GALNT9: variants seen among roughly 807,000 people sequenced by gnomAD.
GALNT9 encodes GalNAc transferase 9.
GALNT9 carries 47 observed loss-of-function variants against 63.1 expected under a neutral mutation model. The ratio of observed to expected loss-of-function variants is 0.75; its 90% CI spans 0.59 to 0.95. GALNT9 has a LOEUF of 0.95. GALNT9 is among the 40% of genes least tolerant of loss of function. The pLI, the probability that GALNT9 is intolerant of heterozygous loss-of-function variation, is 0.00. For synonymous variants in GALNT9, 396 were observed against 365.7 expected (o/e 1.08, Z -0.94); for missense variants, 829 against 874.8 (o/e 0.95, Z 0.66).
chr12:132,231,246 G>A (rs1173549396), intron 6 of GALNT9, among the ~76,000 whole-genome samples: 2 of 39,590 alleles, frequency 5.1e-5, no homozygotes, highest in Admixed American at 2.8e-4. Flanking sequence ...AGGAGACAGC[G>A]TGGAGTCCCT....
At chr12:132,239,373 CAG>C (rs1450548768) in intron 6 of GALNT9, among the ~76,000 whole-genome samples, 138 of 139,994 alleles carry the variant, frequency 9.9e-4, no homozygotes, top group African/African-American at 3.7e-3. Context: ...GAGAGACACA[CAG>C]AGACAGAGAC....
chr12:132,274,980 C>G (rs1451821563), intron 2 of GALNT9: 4 of 152,368 alleles, frequency 2.6e-5, no homozygotes, highest in African/African-American at 9.6e-5. Context: ...GGTGCTTGCC[C>G]CTGCTGGGGA....
intron 6 of GALNT9, among the ~76,000 whole-genome samples, chr12:132,243,268 TACACACACAACACACACTTCCC>T: frequency 1.0e-5 from 1 of 99,878 alleles, no homozygotes; most frequent in Non-Finnish European, 2.0e-5. Flanking sequence ...CTATACCCAT[TACACACACAACACACACTTCCC>T]GGGGCCCTCC....
At chr12:132,266,759 A>G (rs1228475613) in intron 2 of GALNT9, among the ~76,000 whole-genome samples, 1 of 151,980 alleles carries the variant, frequency 6.6e-6, no homozygotes. Context: ...CTGCTCTCGG[A>G]CTTGGGGCCT....
chr12:132,260,273 G>T (rs1879325341), intron 4 of GALNT9, among the ~76,000 whole-genome samples: 2 of 152,308 alleles, frequency 1.3e-5, no homozygotes, highest in Non-Finnish European at 2.9e-5. Context: ...GCCTCTGGGG[G>T]AAACTCGGCC....
At chr12:132,281,625 C>T (rs915088197) in intron 2 of GALNT9, among the ~76,000 whole-genome samples, 33 of 152,210 alleles carry the variant, frequency 2.2e-4, no homozygotes, top group African/African-American at 6.8e-4. Flanking sequence ...ATCCCGATGT[C>T]GTTCTCTGTG....
chr12:132,320,087 A>G (rs1868711221), intron 1 of GALNT9, among the ~76,000 whole-genome samples: 1 of 152,272 alleles, frequency 6.6e-6, no homozygotes, highest in Non-Finnish European at 1.5e-5. Context: ...AGCTGCTAAC[A>G]GGGCTGGCGA....
chr12:132,329,186 C>G lies in GALNT9; in HGVS notation c.18G>C (p.Lys6Asn). 6.5e-7 allele frequency: 1 copy of G among 1,547,848 alleles called. No homozygotes were observed. Among genetic ancestry groups the G allele is most frequent in the Non-Finnish European group, 8.7e-7 (1 of 1,145,446 alleles). Reference protein sequence around the residue: MAVARKIRTLLTVNIL... With the variant: MAVARNIRTLLTVNIL... ...TGTTCACCGTCAGCAAAGTTCGGAT[C>G]TTCCTGGCCACCGCCATGAACACGG... Residue 6 changes from lysine to asparagine, a missense_variant, in exon 1 of 11, where the codon AAG becomes AAC. Lys to Asn is a moderately conservative substitution (Grantham distance 94, BLOSUM62 0). Coordinates refer to ENST00000328957, the MANE Select transcript of GALNT9 (RefSeq NM_001122636.2).
Position 132,212,154 on chromosome 12 carries a change from C to G in GALNT9, c.1078-8464G>C, listed in dbSNP as rs12824370. 5.3e-3 allele frequency among the ~76,000 whole-genome samples: 635 copies of G among 120,366 alleles called. 5 individuals carry two copies. The highest frequency in any genetic ancestry group is 6.2e-3 in the Middle Eastern group (1 of 162). 79.0% of individuals were successfully genotyped at this position (120,366 alleles called of 152,430 possible). On this transcript the variant is annotated intron_variant, in intron 6 of 10. Coordinates refer to ENST00000328957, the MANE Select transcript of GALNT9 (RefSeq NM_001122636.2). ...ACCCCACCCGGGTCTACAGCCTTCACACCACGACACGGAAACCCCACCCGG... is the reference window on the plus strand; with the variant it reads ...ACCCCACCCGGGTCTACAGCCTTCAGACCACGACACGGAAACCCCACCCGG...
chr12:132,239,435 CAG>C (rs1406916515), intron 6 of GALNT9, among the ~76,000 whole-genome samples: 2 of 145,450 alleles, frequency 1.4e-5, no homozygotes, highest in Admixed American at 6.8e-5. Context: ...GACAGAGAGA[CAG>C]AGTCAGAGAC....
rs1429189916 is a variant in GALNT9, at chr12:132,246,836, G to C, written c.1077+1074C>G. ...GTGAGCCTCAGTGCCCGGCCTCACA[G>C]TATTATTTAATCTGCCCAACCTGAG... On this transcript the variant is annotated intron_variant, in intron 6 of 10. Transcript: ENST00000328957. The surrounding 1 kb of genome is among the most constrained non-coding windows in gnomAD (Gnocchi z 4.7). Among the ~76,000 whole-genome samples, 1 of 152,136 alleles carries C rather than the reference G, an allele frequency of 6.6e-6. No individual in the cohort carries two copies. Among genetic ancestry groups the C allele is most frequent in the African/African-American group, 2.4e-5 (1 of 41,438 alleles).
rs1022478507 is a variant in GALNT9 at position 132,315,203 on chromosome 12, G to A, written c.238+13763C>T. On this transcript the variant is annotated intron_variant, in intron 1 of 10. Transcript: ENST00000328957. The surrounding 1 kb of genome is among the most constrained non-coding windows in gnomAD (Gnocchi z 6.1). Reference sequence around the variant, plus strand: ...ACCGAGCAACTAAGATAATCAGGGTGGCCTCCCCCGTGTCCACTGCAAAGT... The same window carrying A: ...ACCGAGCAACTAAGATAATCAGGGTAGCCTCCCCCGTGTCCACTGCAAAGT... 6.6e-6 allele frequency among the ~76,000 whole-genome samples: 1 copy of A among 152,076 alleles called. No individual in the cohort carries two copies. Among genetic ancestry groups the A allele is most frequent in the African/African-American group, 2.4e-5 (1 of 41,418 alleles).
At position 132,294,736 on chromosome 12, in the gene GALNT9, G is replaced by T. The variant is rs1483837277; in HGVS notation, c.239-8306C>A. 2.1e-5 allele frequency among the ~76,000 whole-genome samples: 3 copies of T among 142,078 alleles called. No individual in the cohort carries two copies. In the East Asian group the frequency reaches 7.4e-4, roughly 35 times the overall value. 93.2% of individuals were successfully genotyped at this position (142,078 alleles called of 152,430 possible). A position where few individuals can be genotyped will look rare whatever the true frequency, so the allele number is the denominator to read the frequency against. ...GGCAGCCTCTGGGAGGGCGGGTGGGGTCAGAGCCGCTTGGCTTTCCCAGTC... is the reference window on the plus strand; with the variant it reads ...GGCAGCCTCTGGGAGGGCGGGTGGGTTCAGAGCCGCTTGGCTTTCCCAGTC... On this transcript the variant is annotated intron_variant, in intron 1 of 10. Transcript: ENST00000328957.
In GALNT9 at chr12:132,329,283, G is replaced by C. The variant is rs1555246790; in HGVS notation, c.-80C>G. ...GGGCCTGGGCTTCAGCTTCGGCTTC[G>C]GGGACCATGAGCCGCCCGGGGCTGC... On this transcript the variant is annotated 5_prime_UTR_variant, in exon 1 of 11. Transcript: ENST00000328957. 2.0e-6 allele frequency: 3 copies of C among 1,483,388 alleles called. No individual in the cohort carries two copies. Among genetic ancestry groups the C allele is most frequent in the South Asian group, 2.7e-5 (2 of 74,226 alleles). The allele number at this position is 1,483,388 out of a possible 1,614,324, so 91.9% of individuals were successfully genotyped here. A position where few individuals can be genotyped will look rare whatever the true frequency, so the allele number is the denominator to read the frequency against.
intron 1 of GALNT9, among the ~76,000 whole-genome samples, chr12:132,306,276 G>A (rs1881610420): frequency 6.6e-6 from 1 of 152,260 alleles, no homozygotes; most frequent in Admixed American, 6.5e-5. Flanking sequence ...CCGGGGCGTG[G>A]CCTGGACGCC....
Position 132,197,110 on chromosome 12 carries a change from G to A in GALNT9, c.1809C>T (p.His603=). The stretch of plus-strand genomic sequence containing the variant: ...GGGGGTCCGGGCGGAGGTGGGGTCA[G>A]TGCCGTGCGTGTTTGATCCAGTTTC... The part of the protein sequence containing the change: ...MIRNWIKHAR[H] The change falls in exon 11 of 11, where the codon CAC becomes CAT. Residue 603 remains histidine, a synonymous_variant. Coordinates refer to ENST00000328957, the MANE Select transcript of GALNT9 (RefSeq NM_001122636.2). 6.2e-7 allele frequency: 1 copy of A among 1,614,114 alleles called. No homozygotes were observed. Among genetic ancestry groups the A allele is most frequent in the African/African-American group, 1.3e-5 (1 of 75,068 alleles).
At chr12:132,262,368 G>T (rs1317636158) in intron 3 of GALNT9, 91 bp downstream of exon 3, 3 of 1,452,840 alleles carry the variant, frequency 2.1e-6, no homozygotes, top group Non-Finnish European at 2.7e-6. Context: ...GTCCTCTGTC[G>T]CTCTGCCCCC....
chr12:132,268,101 GCA>G (rs1233969870), intron 2 of GALNT9, among the ~76,000 whole-genome samples: 1 of 138,930 alleles, frequency 7.2e-6, no homozygotes, highest in East Asian at 2.1e-4. Flanking sequence ...ACCCACACGC[GCA>G]CTCACACACA....
chr12:132,213,879 G>A (rs12582365), intron 6 of GALNT9, among the ~76,000 whole-genome samples: 73,807 of 152,148 alleles, frequency 0.49, 18,436 homozygotes, highest in East Asian at 0.71. Context: ...GCGCGTGGGC[G>A]CTGACAGTCC....
Sources: allele counts gnomAD v4.1 joint callset (sites outside exome capture counted in the v4.1 genomes callset), GRCh38; gene constraint gnomAD v4.1.1; non-coding constraint Gnocchi (gnomAD v3.1); transcripts MANE v1.5; gene names NCBI Gene and HGNC (gene_info 2026-07-23, HGNC 2026-07-21).